DCX: variants seen among roughly 807,000 people sequenced by gnomAD.
DCX encodes doublecortin.
A neutral mutation model predicts 20.9 loss-of-function variants in DCX; 4 were observed. The ratio of observed to expected loss-of-function variants is 0.19; its 90% confidence interval spans 0.09 to 0.44. DCX has a LOEUF of 0.44. DCX is among the 20% of genes least tolerant of loss of function. The probability of loss-of-function intolerance (pLI) is 0.99; values close to 1 mark genes in which losing one functional copy is unlikely to be tolerated. For synonymous variants in DCX, 103 were observed against 111.4 expected, an observed-to-expected ratio of 0.92 and a Z score of 0.47; for missense variants, 133 against 296.9, an observed-to-expected ratio of 0.45 and a Z score of 4.06.
rs761394618 is a variant in DCX, at chrX:111,294,846, T to A, written c.*6841A>T. 8.9e-6 allele frequency: 1 copy of A among 112,559 alleles called. No homozygotes were observed. Among genetic ancestry groups the A allele is most frequent in the East Asian group, 2.8e-4 (1 of 3,577 alleles). The allele number at this position is 112,559 out of a possible 1,213,427, so 9.3% of individuals were successfully genotyped here. A position where few individuals can be genotyped will look rare whatever the true frequency, so the allele number is the denominator to read the frequency against. On this transcript the variant is annotated 3_prime_UTR_variant, in exon 7 of 7. Transcript: ENST00000636035. The stretch of plus-strand genomic sequence containing the variant: ...ACACCTCTAACACTACAACCACCAA[T>A]TACAGCTGTTTTGCTACAGGTACTC...
At chrX:111,310,708 A>G (rs896732287) in intron 6 of DCX, among the ~76,000 whole-genome samples, 1 of 112,516 alleles carries the variant, frequency 8.9e-6, no homozygotes, top group African/African-American at 3.2e-5. Context: ...ATAAAATGAA[A>G]CACTGAAAAT....
chrX:111,349,455 C>T (rs1356057265), intron 3 of DCX, among the ~76,000 whole-genome samples: 2 of 111,513 alleles, frequency 1.8e-5, no homozygotes, highest in Non-Finnish European at 3.8e-5. Flanking sequence ...GTGCATCAGA[C>T]CCATTGCCTC....
At chrX:111,322,082 G>A (rs2095087979) in intron 5 of DCX, among the ~76,000 whole-genome samples, 1 of 112,056 alleles carries the variant, frequency 8.9e-6, no homozygotes, top group Non-Finnish European at 1.9e-5. Flanking sequence ...AAAGAGCTAT[G>A]ATAATAATTT....
chrX:111,342,268 A>C (rs1922316424), intron 3 of DCX, among the ~76,000 whole-genome samples: 1 of 96,734 alleles, frequency 1.0e-5, no homozygotes, highest in East Asian at 3.3e-4. Flanking sequence ...TAAACCAACA[A>C]AGATCAAAAA....
chrX:111,323,241 T>G (rs2095090916), intron 5 of DCX, among the ~76,000 whole-genome samples: 1 of 111,939 alleles, frequency 8.9e-6, no homozygotes, highest in Non-Finnish European at 1.9e-5. Context: ...GCTTAGCCAT[T>G]TCCTAGATTT....
At chrX:111,370,716 A>C (rs1925007205) in intron 3 of DCX, among the ~76,000 whole-genome samples, 1 of 110,636 alleles carries the variant, frequency 9.0e-6, no homozygotes, top group Non-Finnish European at 1.9e-5. Context: ...CCACACAGCA[A>C]AATTGGGCTT....
At chrX:111,323,273 CCTCT>C (rs1363270762) in intron 5 of DCX, among the ~76,000 whole-genome samples, 4 of 112,006 alleles carry the variant, frequency 3.6e-5, no homozygotes, top group African/African-American at 1.3e-4. Flanking sequence ...GCTAACCTAA[CCTCT>C]CTGAGTCTCA....
chrX:111,307,085 T>C (rs2095047026), intron 6 of DCX, among the ~76,000 whole-genome samples: 1 of 110,526 alleles, frequency 9.0e-6, no homozygotes, highest in Non-Finnish European at 1.9e-5. Flanking sequence ...GATAGTGGTA[T>C]ACTAAATTAC....
chrX:111,307,950 C>T (rs1220299907), intron 6 of DCX, among the ~76,000 whole-genome samples: 2 of 111,748 alleles, frequency 1.8e-5, no homozygotes, highest in Admixed American at 9.5e-5. Flanking sequence ...CTGTGAGACT[C>T]TGAATTAATG....
Position 111,324,261 on chromosome X carries a change from C to A in DCX, c.946+6643G>T, listed in dbSNP as rs755696587. 3.6e-5 allele frequency among the ~76,000 whole-genome samples: 4 copies of A among 110,973 alleles called. No individual in the cohort carries two copies. In the Admixed American group the frequency reaches 3.8e-4, roughly 11 times the overall value. On this transcript the variant is annotated intron_variant, in intron 5 of 6. Transcript: ENST00000636035. ...CCCTTTGTTCATGCTTCCCTGACAG[C>A]CAGAAGTATCCATCTCCTTATCAAT...
chrX:111,346,636 C>T (rs1922848419), intron 3 of DCX, among the ~76,000 whole-genome samples: 1 of 111,709 alleles, frequency 9.0e-6, no homozygotes, highest in Non-Finnish European at 1.9e-5. Flanking sequence ...AGATACTGAT[C>T]GAACGATACT....
intron 3 of DCX, among the ~76,000 whole-genome samples, chrX:111,398,857 A>C (rs1425917527): frequency 8.9e-6 from 1 of 112,132 alleles, no homozygotes; most frequent in Non-Finnish European, 1.9e-5. Flanking sequence ...TCATGCCTAT[A>C]ATCCTAGCAC....
At chrX:111,301,835 AT>A (rs1357029137) in intron 6 of DCX, 92 bp from the exon 7 acceptor site, 3 of 798,019 alleles carry the variant, frequency 3.8e-6, no homozygotes, top group Non-Finnish European at 5.6e-6. Context: ...TAATACTTTA[AT>A]TTTTACAACA....
rs58937639 is a variant in DCX, at chrX:111,307,019, C to T, written c.1045-5276G>A. On this transcript the variant is annotated intron_variant, in intron 6 of 6. Coordinates refer to ENST00000636035, the MANE Select transcript of DCX (RefSeq NM_001195553.2). The stretch of plus-strand genomic sequence containing the variant: ...GGTTGGATGAAAAGGGAAGGGGCTG[C>T]GACTGCTAATGGGTAAGGGGTTTAT... 6.5e-3 allele frequency among the ~76,000 whole-genome samples: 715 copies of T among 110,297 alleles called. 7 individuals carry two copies. Among genetic ancestry groups the T allele is most frequent in the African/African-American group, 0.021 (628 of 30,356 alleles).
intron 5 of DCX, among the ~76,000 whole-genome samples, chrX:111,323,689 C>G (rs1162442320): frequency 1.9e-5 from 2 of 105,860 alleles, no homozygotes; most frequent in Admixed American, 1.0e-4. Context: ...TCTTTTTACC[C>G]TCTCAGCATT....
chrX:111,406,459 T>C (rs1011100104), intron 2 of DCX, among the ~76,000 whole-genome samples: 2 of 111,840 alleles, frequency 1.8e-5, no homozygotes, highest in African/African-American at 6.5e-5. Flanking sequence ...TGTCAATATG[T>C]TTCCATATCT....
chrX:111,310,257 G>A (rs1603412434), intron 6 of DCX, among the ~76,000 whole-genome samples: 2 of 111,399 alleles, frequency 1.8e-5, no homozygotes, highest in Admixed American at 9.5e-5. Flanking sequence ...GCTTGAACCC[G>A]GGAGTGCGGA....
intron 3 of DCX, among the ~76,000 whole-genome samples, chrX:111,386,886 T>C (rs1053373329): frequency 3.6e-5 from 4 of 111,402 alleles, no homozygotes; most frequent in African/African-American, 1.3e-4. Context: ...CAGATTTCTA[T>C]TCCCAACTCT....
chrX:111,341,507 T>A (rs1310617306), intron 3 of DCX, among the ~76,000 whole-genome samples: 1 of 110,488 alleles, frequency 9.1e-6, no homozygotes, highest in East Asian at 2.9e-4. Flanking sequence ...AATATGCAAA[T>A]TCAGGAAATA....
Sources: gnomAD v4.1 joint callset for allele counts (sites outside exome capture counted in the v4.1 genomes callset) on GRCh38, gnomAD v4.1.1 for gene constraint, MANE v1.5 for transcripts, NCBI Gene and HGNC (gene_info 2026-07-23, HGNC 2026-07-21) for gene names.